The following ATP10B variants were observed in gnomAD, a reference collection of about 807,000 sequenced individuals.
ATP10B encodes ATPase phospholipid transporting 10B (putative).
In ATP10B, 122 loss-of-function variants were observed where a neutral mutation model predicts 141.2. The ratio of observed to expected loss-of-function variants is 0.86; its 90% CI spans 0.75 to 1.00. The LOEUF (loss-of-function observed/expected upper bound fraction) is 1.00. ATP10B is among the 50% of genes least tolerant of loss of function. ATP10B has a pLI of 0.00. For missense variants in ATP10B, 1,876 were observed against 1,825.3 expected (o/e 1.03, Z -0.51); for synonymous variants, 685 against 692.0 (o/e 0.99, Z 0.16).
chr5:160,726,218 GT>G (rs527954130), intron 2 of ATP10B, among the ~76,000 whole-genome samples: 44 of 152,246 alleles, frequency 2.9e-4, no homozygotes, highest in Middle Eastern at 6.8e-3. Flanking sequence ...TGAGTTTATT[GT>G]TTGCTCACAC....
intron 6 of ATP10B, among the ~76,000 whole-genome samples, chr5:160,672,783 T>C (rs967988968): frequency 2.0e-5 from 3 of 152,012 alleles, no homozygotes; most frequent in Non-Finnish European, 4.4e-5. Flanking sequence ...AGAGAAAGAG[T>C]TGTGAATAGA....
At chr5:160,850,380 C>T (rs982585621) in intron 1 of ATP10B, among the ~76,000 whole-genome samples, 13 of 152,144 alleles carry the variant, frequency 8.5e-5, no homozygotes, top group African/African-American at 2.7e-4. Context: ...GCTGAGATTG[C>T]GCCACTGCAC....
chr5:160,778,745 G>A (rs1039361804), intron 2 of ATP10B, among the ~76,000 whole-genome samples: 4 of 152,174 alleles, frequency 2.6e-5, no homozygotes, highest in African/African-American at 9.7e-5. Context: ...AAAAGTTATT[G>A]CTAATAGGGG....
intron 1 of ATP10B, among the ~76,000 whole-genome samples, chr5:160,817,133 A>G (rs368479000): frequency 3.3e-5 from 5 of 152,090 alleles, no homozygotes; most frequent in African/African-American, 9.7e-5. Context: ...ATTCAACATA[A>G]TGTTGGAAGT....
At chr5:160,807,838 T>G (rs1383157093) in intron 1 of ATP10B, among the ~76,000 whole-genome samples, 2 of 152,214 alleles carry the variant, frequency 1.3e-5, no homozygotes, top group Non-Finnish European at 2.9e-5. Context: ...CTTCTAAGTT[T>G]CTAGAACTGA....
At chr5:160,714,024 C>A (rs1306312237) in intron 3 of ATP10B, among the ~76,000 whole-genome samples, 2 of 40,548 alleles carry the variant, frequency 4.9e-5, no homozygotes, top group African/African-American at 2.0e-4. Flanking sequence ...GTAACCCGAC[C>A]TTTCTCTCTG....
At chr5:160,587,190 C>CAGTACCATTTATTAAATAGGGAA (rs1755963714) in intron 24 of ATP10B, among the ~76,000 whole-genome samples, 1 of 152,140 alleles carries the variant, frequency 6.6e-6, no homozygotes, top group Non-Finnish European at 1.5e-5. Flanking sequence ...CCAGTTTTCC[C>CAGTACCATTTATTAAATAGGGAA]AGTACCATTT....
intron 9 of ATP10B, among the ~76,000 whole-genome samples, chr5:160,641,538 A>G (rs1277555957): frequency 6.6e-6 from 1 of 152,228 alleles, no homozygotes; most frequent in Non-Finnish European, 1.5e-5. Flanking sequence ...ATCTGCCCAA[A>G]GTGAAAGAAT....
chr5:160,832,541 G>T (rs1289967567), intron 1 of ATP10B, among the ~76,000 whole-genome samples: 1 of 152,076 alleles, frequency 6.6e-6, no homozygotes, highest in Non-Finnish European at 1.5e-5. Context: ...AAGGGTGTGT[G>T]AATGTGTACA....
intron 15 of ATP10B, among the ~76,000 whole-genome samples, chr5:160,619,141 C>T (rs909746229): frequency 3.0e-4 from 45 of 152,272 alleles, no homozygotes; most frequent in African/African-American, 1.0e-3. Context: ...TTTTTAAAGA[C>T]ACCAGCTCCT....
intron 7 of ATP10B, among the ~76,000 whole-genome samples, chr5:160,658,474 A>G (rs1019671946): frequency 5.9e-5 from 9 of 152,242 alleles, no homozygotes; most frequent in African/African-American, 1.9e-4. Flanking sequence ...AGTCATAGAT[A>G]TAATGGATAT....
chr5:160,589,625 G>A lies in ATP10B; in HGVS notation c.3717C>T (p.Ile1239=), dbSNP rs1018424053. 2.5e-6 allele frequency: 4 copies of A among 1,613,988 alleles called. No individual in the cohort carries two copies. In the African/African-American group the frequency reaches 5.3e-5, roughly 22 times the overall value. ...TPINTISLTT[I]LLHQAMEMKT... Reference sequence around the variant, plus strand: ...TCATTTCCATTGCCTGGTGCAAAAGGATTGTGGTGAGGGAGATGGTGTTGA... The same window carrying A: ...TCATTTCCATTGCCTGGTGCAAAAGAATTGTGGTGAGGGAGATGGTGTTGA... The change falls in exon 24 of 26, where the codon ATC becomes ATT. Residue 1239 remains isoleucine, a synonymous_variant. Coordinates refer to ENST00000327245, the MANE Select transcript of ATP10B (RefSeq NM_025153.3).
chr5:160,615,406 C>T (rs1581204234), intron 17 of ATP10B, among the ~76,000 whole-genome samples: 1 of 151,192 alleles, frequency 6.6e-6, no homozygotes, highest in African/African-American at 2.4e-5. Context: ...TCTGCTAGCC[C>T]AGCTCTCACC....
chr5:160,584,294 C>G (rs568967965), intron 24 of ATP10B, among the ~76,000 whole-genome samples: 251 of 152,176 alleles, frequency 1.6e-3, no homozygotes, highest in African/African-American at 5.9e-3. Flanking sequence ...GGCAGTTCCC[C>G]AACCCCTTGT....
At chr5:160,859,540 A>G in the ATP10B span, among the ~76,000 whole-genome samples, 9 of 151,772 alleles carry the variant, frequency 5.9e-5, no homozygotes, top group African/African-American at 1.9e-4. Context: ...TAAATTTTAG[A>G]TAAGTCTGTT....
chr5:160,836,276 G>A (rs1467345415), intron 1 of ATP10B, among the ~76,000 whole-genome samples: 1 of 151,922 alleles, frequency 6.6e-6, no homozygotes, highest in Non-Finnish European at 1.5e-5. Flanking sequence ...CTAAACCTTG[G>A]ATGACCACAA....
At chr5:160,869,498 G>A in the ATP10B span, among the ~76,000 whole-genome samples, 1 of 151,998 alleles carries the variant, frequency 6.6e-6, no homozygotes, top group Non-Finnish European at 1.5e-5. Context: ...GTCTTAGAAT[G>A]TTTGCTCACA....
chr5:160,735,415 T>C (rs558681615), intron 2 of ATP10B, among the ~76,000 whole-genome samples: 3 of 152,232 alleles, frequency 2.0e-5, no homozygotes, highest in African/African-American at 7.2e-5. Context: ...CACTATATAA[T>C]GATAAAGGGG....
Position 160,644,169 on chromosome 5 carries a change from G to A in ATP10B, c.837C>T (p.Thr279=), listed in dbSNP as rs781474891. ...LLLRGCTIRN[T]EMAVGIVIYA... ...AGATGACAATGCCAACAGCCATCTC[G>A]GTGTTTCTGATGGTGCAGCCTCGAA... The change falls in exon 9 of 26, where the codon ACC becomes ACT. Residue 279 remains threonine (T), a synonymous_variant. Transcript: ENST00000327245. 70 of 1,613,838 alleles carry A rather than the reference G, an allele frequency of 4.3e-5. No homozygotes were observed. The highest frequency in any genetic ancestry group is 6.7e-5 in the East Asian group (3 of 44,892).
Sources: gnomAD v4.1 joint callset for allele counts (sites outside exome capture counted in the v4.1 genomes callset) on GRCh38, gnomAD v4.1.1 for gene constraint, MANE v1.5 for transcripts, NCBI Gene and HGNC (gene_info 2026-07-23, HGNC 2026-07-21) for gene names.